Variants in LRPPRC observed in about 807,000 individuals in gnomAD.
LRPPRC encodes leucine-rich PPR motif-containing protein, mitochondrial.
In LRPPRC, 120 loss-of-function variants were observed where a neutral mutation model predicts 180.3. That is an observed-to-expected ratio of 0.67 (90% CI 0.57 to 0.77). LRPPRC has a LOEUF of 0.77. LRPPRC is among the 30% of genes least tolerant of loss of function. LRPPRC has a pLI of 0.00. For synonymous variants in LRPPRC, 723 were observed against 600.0 expected, an observed-to-expected ratio of 1.21 and a Z score of -3.00; for missense variants, 2,012 against 1,657.2, an observed-to-expected ratio of 1.21 and a Z score of -3.72.
intron 23 of LRPPRC, among the ~76,000 whole-genome samples, chr2:43,936,779 G>T (rs1672293418): frequency 6.6e-6 from 1 of 152,210 alleles, no homozygotes; most frequent in East Asian, 1.9e-4. Flanking sequence ...TTGTCATTTG[G>T]GGTGAAGACT....
At position 43,976,977 on chromosome 2, in the gene LRPPRC, T is replaced by A; in HGVS notation, c.650+17A>T. ...GTACAAATTTGTTCGCTTAAACATG[T>A]TCATACAGATCCATACCTGGCACCT... On this transcript the variant is annotated intron_variant, in intron 5 of 37. Transcript: ENST00000260665. The A allele has an allele frequency of 6.2e-7, 1 of 1,606,454 alleles. No homozygotes were observed. Among genetic ancestry groups the A allele is most frequent in the Non-Finnish European group, 8.5e-7 (1 of 1,173,222 alleles).
chr2:43,965,040 C>A (rs571587086), intron 11 of LRPPRC, among the ~76,000 whole-genome samples: 17 of 152,094 alleles, frequency 1.1e-4, no homozygotes, highest in Admixed American at 3.9e-4. Context: ...ATTGCTCGGT[C>A]GCCCAAGCTG....
intron 1 of LRPPRC, among the ~76,000 whole-genome samples, chr2:43,987,703 T>A (rs1267055690): frequency 6.6e-6 from 1 of 152,144 alleles, no homozygotes; most frequent in Non-Finnish European, 1.5e-5. Flanking sequence ...AACAAATCTT[T>A]AGTTTCTCAG....
chr2:43,946,100 C>G lies in LRPPRC; in HGVS notation c.2210+13G>C. The G allele has an allele frequency of 3.7e-6, 6 of 1,611,708 alleles. No homozygotes were observed. The highest frequency in any genetic ancestry group is 3.4e-6 in the Non-Finnish European group (4 of 1,178,234). On this transcript the variant is annotated intron_variant, in intron 21 of 37. Transcript: ENST00000260665. ...TAAATGTTGACAACTTGTTTCAGTGCCAGGGTACTCACAATTCTTCTTTCA... is the reference window on the plus strand; with the variant it reads ...TAAATGTTGACAACTTGTTTCAGTGGCAGGGTACTCACAATTCTTCTTTCA...
intron 22 of LRPPRC, among the ~76,000 whole-genome samples, chr2:43,944,966 C>A (rs1453463658): frequency 6.6e-6 from 1 of 152,016 alleles, no homozygotes; most frequent in South Asian, 2.1e-4. Flanking sequence ...ATAGGTTTTA[C>A]GTTTATAGGT....
At chr2:43,981,758 G>C (rs181255753) in intron 2 of LRPPRC, among the ~76,000 whole-genome samples, 1 of 152,040 alleles carries the variant, frequency 6.6e-6, no homozygotes, top group Non-Finnish European at 1.5e-5. Flanking sequence ...ACAATCAACA[G>C]AATATAACAA....
intron 23 of LRPPRC, among the ~76,000 whole-genome samples, chr2:43,939,656 G>GA (rs1553401865): frequency 1.3e-5 from 2 of 151,962 alleles, no homozygotes; most frequent in Non-Finnish European, 2.9e-5. Flanking sequence ...AGAGCTAAAT[G>GA]TTTTTTTTCT....
intron 11 of LRPPRC, among the ~76,000 whole-genome samples, chr2:43,973,384 T>C (rs1037682203): frequency 6.6e-6 from 1 of 152,086 alleles, no homozygotes; most frequent in Non-Finnish European, 1.5e-5. Flanking sequence ...AGATCAGAGA[T>C]GAAATAAGAA....
intron 12 of LRPPRC, among the ~76,000 whole-genome samples, chr2:43,963,140 A>C (rs1330385353): frequency 1.3e-5 from 2 of 152,176 alleles, no homozygotes; most frequent in Non-Finnish European, 2.9e-5. Context: ...TATTTTTACA[A>C]AGCTTTAGAA....
At chr2:43,927,022 C>G (rs1305908386) in intron 25 of LRPPRC, among the ~76,000 whole-genome samples, 1 of 152,160 alleles carries the variant, frequency 6.6e-6, no homozygotes, top group Admixed American at 6.5e-5. Context: ...ACTTAGTTTA[C>G]AATTTTGGAT....
intron 11 of LRPPRC, among the ~76,000 whole-genome samples, chr2:43,966,697 C>G (rs934335055): frequency 1.3e-5 from 2 of 151,100 alleles, no homozygotes; most frequent in Admixed American, 6.6e-5. Flanking sequence ...CATGAGCCAC[C>G]ACGCCCGGCC....
Position 43,975,210 on chromosome 2 carries a change from C to A in LRPPRC, c.745G>T (p.Glu249Ter). The A allele has an allele frequency of 6.2e-7, 1 of 1,612,810 alleles. No homozygotes were observed. The highest frequency in any genetic ancestry group is 8.5e-7 in the Non-Finnish European group (1 of 1,179,706). Residue 249 changes from glutamate to a stop codon, truncating the protein, a stop_gained, in exon 7 of 38, where the codon GAG becomes TAG. Transcript: ENST00000260665. LOFTEE classifies it high-confidence loss of function. ...VTGHARAGDM[E>*]NAENILTVMR... is the part of the protein sequence containing the mutation. The stretch of plus-strand genomic sequence containing the variant: ...ACTGTGAGAATGTTTTCTGCATTCT[C>A]CATATCACTACAAGTTAATTCAAAA...
At chr2:43,994,274 C>G (rs541135999) in intron 1 of LRPPRC, among the ~76,000 whole-genome samples, 1 of 152,318 alleles carries the variant, frequency 6.6e-6, no homozygotes, top group South Asian at 2.1e-4. Flanking sequence ...CAAGTACGCT[C>G]CATTCCAAAG....
chr2:43,898,175 T>A (rs1558900007), intron 34 of LRPPRC, among the ~76,000 whole-genome samples: 1 of 149,758 alleles, frequency 6.7e-6, no homozygotes, highest in East Asian at 2.0e-4. Context: ...AAAGTAAGAG[T>A]CTGAGAAGCA....
Position 43,947,743 on chromosome 2 carries a change from TA to T in LRPPRC, c.1952del (p.Leu651Ter). 6.3e-7 allele frequency: 1 copy of T among 1,583,988 alleles called. No individual in the cohort carries two copies. The highest frequency in any genetic ancestry group is 8.7e-7 in the Non-Finnish European group (1 of 1,152,910). On this transcript the variant is annotated frameshift_variant, in exon 19 of 38. Transcript: ENST00000260665. LOFTEE classifies it high-confidence loss of function. ...AAATCCTACTTACTTTTTGAAAGTCTAAATTCTTACTCTCAACCAACAAGTG... is the reference window on the plus strand; with the variant it reads ...AAATCCTACTTACTTTTTGAAAGTCTAATTCTTACTCTCAACCAACAAGTG... ...DAHLLVESKNLDFQKTVQLTS... is the reference protein window; with the variant it reads ...DAHLLVESKNXDFQKTVQLTS...
At chr2:43,987,931 A>G (rs1674599326) in intron 1 of LRPPRC, among the ~76,000 whole-genome samples, 2 of 152,136 alleles carry the variant, frequency 1.3e-5, no homozygotes, top group South Asian at 4.1e-4. Context: ...AATATTAATT[A>G]TGGTAAATGT....
intron 27 of LRPPRC, among the ~76,000 whole-genome samples, chr2:43,919,562 T>C (rs950257330): frequency 1.3e-5 from 2 of 152,196 alleles, no homozygotes; most frequent in African/African-American, 4.8e-5. Context: ...GGCAGATCCC[T>C]TCATATTGAA....
Position 43,896,651 on chromosome 2 carries a change from A to C in LRPPRC, c.3883T>G (p.Ser1295Ala). 6.2e-7 allele frequency: 1 copy of C among 1,610,338 alleles called. No individual in the cohort carries two copies. Among genetic ancestry groups the C allele is most frequent in the Non-Finnish European group, 8.5e-7 (1 of 1,176,640 alleles). Residue 1295 changes from serine to alanine, a missense_variant, in exon 35 of 38, where the codon TCT (serine) becomes GCT (alanine). Ser to Ala is a moderately conservative substitution (Grantham distance 99, BLOSUM62 1). Coordinates refer to ENST00000260665, the MANE Select transcript of LRPPRC (RefSeq NM_133259.4). The part of the protein sequence containing the change: ...PILLLFLLRN[S>A]RKQGKASTVK... Reference sequence around the variant, plus strand: ...CACAGTACCTTTCCTTGTTTCCTAGAATTCCTAAGGAGGAACAACAACAAA... The same window carrying C: ...CACAGTACCTTTCCTTGTTTCCTAGCATTCCTAAGGAGGAACAACAACAAA...
chr2:43,954,899 G>A (rs1572540853), intron 14 of LRPPRC, among the ~76,000 whole-genome samples: 1 of 152,194 alleles, frequency 6.6e-6, no homozygotes, highest in East Asian at 1.9e-4. Flanking sequence ...AGAAAGATGA[G>A]TAGTATGTAA....
Sources: gnomAD v4.1 joint callset for allele counts (sites outside exome capture counted in the v4.1 genomes callset) on GRCh38, gnomAD v4.1.1 for gene constraint, MANE v1.5 for transcripts, NCBI Gene and HGNC (gene_info 2026-07-23, HGNC 2026-07-21) for gene names.